The following PRKD3 variants were observed in gnomAD, a reference collection of about 807,000 sequenced individuals.
PRKD3 encodes the protein serine/threonine-protein kinase D3.
In PRKD3, 47 loss-of-function variants were observed where a neutral mutation model predicts 99.2. That is an observed-to-expected ratio of 0.47 (90% CI 0.38 to 0.60). PRKD3 has a LOEUF of 0.60. Among genes scored for constraint, PRKD3 ranks in the 20% least tolerant of loss-of-function variants. The pLI, the probability that PRKD3 is intolerant of heterozygous loss-of-function variation, is 0.00. For missense variants in PRKD3, 1,019 were observed against 1,088.4 expected (o/e 0.94, Z 0.90); for synonymous variants, 392 against 355.4 (o/e 1.10, Z -1.16).
intron 1 of PRKD3, among the ~76,000 whole-genome samples, chr2:37,320,993 C>T (rs759460): frequency 0.066 from 10,122 of 152,216 alleles, 374 homozygotes; most frequent in Middle Eastern, 0.085. Flanking sequence ...CCCAGATTTA[C>T]TCTGGAAGAT....
chr2:37,316,336 T>C lies in PRKD3; in HGVS notation c.189A>G (p.Leu63=), dbSNP rs765523503. 1.1e-5 allele frequency: 17 copies of C among 1,614,222 alleles called. 1 individual carries two copies. The Admixed American group carries it at 2.2e-4, about 21-fold the overall frequency. ...SRGSVHTVSF[L]LQIGLTRESV... is the part of the protein sequence containing the mutation. ...TCTCCCGTGTGAGGCCAATTTGCAG[T>C]AGAAATGAAACTGTATGCACTGAGC... is the stretch of plus-strand genomic sequence containing the variant. The change falls in exon 2 of 19, where the codon CTA becomes CTG. Residue 63 remains leucine, a synonymous_variant. Coordinates refer to ENST00000234179, the MANE Select transcript of PRKD3 (RefSeq NM_005813.6).
At chr2:37,281,727 C>G (rs1449869578) in intron 7 of PRKD3, among the ~76,000 whole-genome samples, 1 of 152,174 alleles carries the variant, frequency 6.6e-6, no homozygotes, top group African/African-American at 2.4e-5. Flanking sequence ...CCAAGAACCA[C>G]AGAAAACAAG....
At chr2:37,304,997 T>C (rs1415951495) in intron 2 of PRKD3, among the ~76,000 whole-genome samples, 1 of 152,166 alleles carries the variant, frequency 6.6e-6, no homozygotes, top group Non-Finnish European at 1.5e-5. Flanking sequence ...TTCAGATTAG[T>C]AATGGCTGCC....
chr2:37,272,091 T>C (rs1045681707), intron 12 of PRKD3, among the ~76,000 whole-genome samples: 7 of 152,200 alleles, frequency 4.6e-5, no homozygotes, highest in Admixed American at 2.0e-4. Flanking sequence ...TTTAGGAAGC[T>C]TCCCCTGCTG....
At chr2:37,319,756 T>TA (rs3050519) in intron 1 of PRKD3, among the ~76,000 whole-genome samples, 144 of 148,370 alleles carry the variant, frequency 9.7e-4, no homozygotes, top group African/African-American at 2.6e-3. Flanking sequence ...CATACTGATT[T>TA]AAAAAAAAAA....
intron 2 of PRKD3, among the ~76,000 whole-genome samples, chr2:37,308,478 G>A (rs894563696): frequency 6.6e-6 from 1 of 151,898 alleles, no homozygotes; most frequent in Non-Finnish European, 1.5e-5. Context: ...AGGCTGCAGT[G>A]AAGTGGCGCA....
intron 16 of PRKD3, among the ~76,000 whole-genome samples, chr2:37,259,001 A>G (rs1668198547): frequency 6.6e-6 from 1 of 151,946 alleles, no homozygotes; most frequent in Admixed American, 6.6e-5. Context: ...TTGGGTTATG[A>G]TCCATTTCAT....
At chr2:37,304,060 T>C (rs889063236) in intron 2 of PRKD3, among the ~76,000 whole-genome samples, 1 of 152,180 alleles carries the variant, frequency 6.6e-6, no homozygotes, top group Non-Finnish European at 1.5e-5. Context: ...ATTTTAAAAT[T>C]TGATGCCAAA....
At chr2:37,277,522 C>G (rs962338283) in intron 9 of PRKD3, among the ~76,000 whole-genome samples, 6 of 152,196 alleles carry the variant, frequency 3.9e-5, no homozygotes, top group African/African-American at 1.4e-4. Flanking sequence ...TGCTTCCTTC[C>G]TATCTTTGGT....
chr2:37,289,320 C>T (rs1479422792), intron 5 of PRKD3, 36 bp downstream of exon 5: 1 of 1,601,558 alleles, frequency 6.2e-7, no homozygotes. Context: ...CAGAGAATAA[C>T]TACTACTAAA....
intron 2 of PRKD3, among the ~76,000 whole-genome samples, chr2:37,300,275 A>T (rs1670862175): frequency 6.6e-6 from 1 of 152,226 alleles, no homozygotes; most frequent in Non-Finnish European, 1.5e-5. Flanking sequence ...CCAGGCACAG[A>T]AAGACAAGTA....
In PRKD3 at chr2:37,260,352, T is replaced by C; in HGVS notation, c.1917A>G (p.Glu639=). The C allele has an allele frequency of 6.2e-7, 1 of 1,612,060 alleles. No homozygotes were observed. Among genetic ancestry groups the C allele is most frequent in the Non-Finnish European group, 8.5e-7 (1 of 1,178,206 alleles). The change falls in exon 15 of 19, where the codon GAA becomes GAG. Residue 639 remains glutamate (E), a synonymous_variant. Coordinates refer to ENST00000234179, the MANE Select transcript of PRKD3 (RefSeq NM_005813.6). The part of the protein sequence containing the change: ...NLHHPGIVNL[E]CMFETPERVF... ...CTCGTTCTGGGGTTTCAAACATACA[T>C]TCCAGGTTTACAATCCCAGGATGGT...
chr2:37,275,438 C>T (rs188297860), intron 10 of PRKD3, among the ~76,000 whole-genome samples: 6 of 152,196 alleles, frequency 3.9e-5, no homozygotes, highest in African/African-American at 1.4e-4. Context: ...AAATACCTCA[C>T]TGACCTCTTC....
chr2:37,259,513 T>A (rs1272721162), intron 16 of PRKD3, 70 bp downstream of exon 16: 2 of 1,231,454 alleles, frequency 1.6e-6, no homozygotes, highest in Non-Finnish European at 2.3e-6. Context: ...CTTAGTACAC[T>A]GCCTTTTATT....
In PRKD3 at chr2:37,274,605, A is replaced by T. The variant is rs748183669; in HGVS notation, c.1467T>A (p.Ile489=). 2 of 1,614,106 alleles carry T rather than the reference A, an allele frequency of 1.2e-6. No individual in the cohort carries two copies. The highest frequency in any genetic ancestry group is 2.2e-5 in the South Asian group (2 of 91,090). The change falls in exon 11 of 19, where the codon ATT becomes ATA. Residue 489 remains isoleucine (I), a synonymous_variant. Coordinates refer to ENST00000234179, the MANE Select transcript of PRKD3 (RefSeq NM_005813.6). ...CAACGAAGTATACCATAGTATCAGT[A>T]ATGATTTCAAAACAGTGTGGATTGC... is the stretch of plus-strand genomic sequence containing the variant. The part of the protein sequence containing the change: ...QGSNPHCFEI[I]TDTMVYFVGE...
rs926753837 is a variant in PRKD3 at position 37,306,389 on chromosome 2, G to T, written c.288+9848C>A. Among the ~76,000 whole-genome samples, 5 of 152,118 alleles carry T rather than the reference G, an allele frequency of 3.3e-5. 1 individual carries two copies. The highest frequency in any genetic ancestry group is 7.3e-5 in the Non-Finnish European group (5 of 68,032). On this transcript the variant is annotated intron_variant, in intron 2 of 18. Transcript: ENST00000234179. ...CCTTCAGCTTATAAACCTCTAGAAGGCAGAGATCTTGTTTGTTGTTAATTT... is the reference window on the plus strand; with the variant it reads ...CCTTCAGCTTATAAACCTCTAGAAGTCAGAGATCTTGTTTGTTGTTAATTT...
intron 15 of PRKD3, 86 bp downstream of exon 15, chr2:37,260,137 C>G: frequency 8.0e-7 from 1 of 1,257,818 alleles, no homozygotes. Flanking sequence ...GCACTCCAGC[C>G]CAGGTGACAG....
At chr2:37,253,466 G>T in intron 18 of PRKD3, 116 bp from the exon 19 acceptor site, 1 of 795,822 alleles carries the variant, frequency 1.3e-6, no homozygotes, top group Non-Finnish European at 1.9e-6. Context: ...TAATTGACAG[G>T]CGCTACTCAT....
intron 6 of PRKD3, among the ~76,000 whole-genome samples, chr2:37,284,400 G>A (rs1378966249): frequency 6.6e-6 from 1 of 152,122 alleles, no homozygotes; most frequent in Non-Finnish European, 1.5e-5. Context: ...ACAGGTTTAT[G>A]TAAAAATTCA....
Sources: gnomAD v4.1 joint callset for allele counts (sites outside exome capture counted in the v4.1 genomes callset) on GRCh38, gnomAD v4.1.1 for gene constraint, MANE v1.5 for transcripts, NCBI Gene and HGNC (gene_info 2026-07-23, HGNC 2026-07-21) for gene names.